Variants in CDH18 observed in about 807,000 individuals in gnomAD.
CDH18 encodes the protein cadherin 18, also known as cadherin-18.
Under a neutral mutation model 67.9 loss-of-function variants are expected in CDH18, and 31 were observed. That is an observed-to-expected ratio of 0.46 (90% CI 0.34 to 0.62). CDH18 has a LOEUF of 0.62. Ranked by LOEUF, CDH18 falls within the 20% of genes least tolerant of loss-of-function variation. CDH18 has a pLI of 0.01. For missense variants in CDH18, 890 were observed against 975.5 expected, an observed-to-expected ratio of 0.91 and a Z score of 1.17; for synonymous variants, 362 against 347.2, an observed-to-expected ratio of 1.04 and a Z score of -0.48.
intron 7 of CDH18, among the ~76,000 whole-genome samples, chr5:19,588,084 G>T (rs547147690): frequency 6.6e-6 from 1 of 151,910 alleles, no homozygotes; most frequent in African/African-American, 2.4e-5. Flanking sequence ...TTTGTTTTAG[G>T]CTTGCCTATT....
chr5:19,539,493 G>A (rs891789117), intron 9 of CDH18, among the ~76,000 whole-genome samples: 7 of 152,052 alleles, frequency 4.6e-5, no homozygotes, highest in African/African-American at 1.7e-4. Context: ...TTTGGAGTGA[G>A]GTAGTGAAAA....
At chr5:20,250,849 G>A (rs956952313) in intron 2 of CDH18, among the ~76,000 whole-genome samples, 5 of 151,990 alleles carry the variant, frequency 3.3e-5, no homozygotes, top group African/African-American at 7.2e-5. Flanking sequence ...CAAGTGATCC[G>A]CCCGCCTTGG....
chr5:20,546,741 A>G (rs1481276208), intron 1 of CDH18, among the ~76,000 whole-genome samples: 1 of 107,296 alleles, frequency 9.3e-6, no homozygotes, highest in Admixed American at 1.1e-4. Context: ...CATATCACAT[A>G]CATACATAGA....
intron 9 of CDH18, among the ~76,000 whole-genome samples, chr5:19,528,600 A>C (rs1220746092): frequency 6.6e-6 from 1 of 151,922 alleles, no homozygotes. Context: ...AACTCTGAGA[A>C]CAGATTTGTT....
chr5:20,217,948 T>C (rs1039744732), intron 2 of CDH18, among the ~76,000 whole-genome samples: 6 of 151,816 alleles, frequency 4.0e-5, no homozygotes, highest in Non-Finnish European at 7.4e-5. Flanking sequence ...AAGGAGTCAA[T>C]TGAGCAAGAG....
At chr5:19,536,596 T>C (rs561989454) in intron 9 of CDH18, among the ~76,000 whole-genome samples, 3 of 152,338 alleles carry the variant, frequency 2.0e-5, no homozygotes, top group East Asian at 1.9e-4. Context: ...AATGGAGCTA[T>C]GATTTAAATC....
At chr5:19,861,258 A>G (rs910581193) in intron 2 of CDH18, among the ~76,000 whole-genome samples, 1 of 149,030 alleles carries the variant, frequency 6.7e-6, no homozygotes, top group Non-Finnish European at 1.5e-5. Flanking sequence ...TTCCTTTGGC[A>G]TCAATTTAGG....
intron 2 of CDH18, among the ~76,000 whole-genome samples, chr5:19,943,828 C>T (rs1393800989): frequency 6.6e-6 from 1 of 151,824 alleles, no homozygotes; most frequent in African/African-American, 2.4e-5. Context: ...CAATGCTGTG[C>T]TATTTGGGGA....
At chr5:19,715,500 T>C (rs898386872) in intron 5 of CDH18, among the ~76,000 whole-genome samples, 2 of 152,158 alleles carry the variant, frequency 1.3e-5, no homozygotes, top group Admixed American at 6.6e-5. Flanking sequence ...GAGTCAAGAC[T>C]GTCAATTCCG....
At chr5:19,820,666 G>A (rs965350813) in intron 3 of CDH18, among the ~76,000 whole-genome samples, 2 of 152,168 alleles carry the variant, frequency 1.3e-5, no homozygotes, top group Non-Finnish European at 2.9e-5. Context: ...TAAAGAAATG[G>A]GGACCTAGCA....
chr5:19,484,298 AC>A (rs1740000612), intron 11 of CDH18, among the ~76,000 whole-genome samples: 2 of 152,184 alleles, frequency 1.3e-5, no homozygotes, highest in Admixed American at 1.3e-4. Flanking sequence ...AAAGTAAATA[AC>A]CCTAGTCCCA....
intron 2 of CDH18, among the ~76,000 whole-genome samples, chr5:19,968,637 C>T (rs1343739002): frequency 6.8e-6 from 1 of 146,866 alleles, no homozygotes; most frequent in East Asian, 1.9e-4. Flanking sequence ...ACTGGCTAGC[C>T]ATATGTAGAA....
intron 1 of CDH18, among the ~76,000 whole-genome samples, chr5:20,493,505 G>A (rs1048814376): frequency 2.6e-5 from 4 of 151,918 alleles, no homozygotes; most frequent in Non-Finnish European, 4.4e-5. Context: ...TAGGAAGGGA[G>A]TCAGCTACCA....
intron 1 of CDH18, among the ~76,000 whole-genome samples, chr5:20,464,427 G>T (rs1331308302): frequency 6.6e-6 from 1 of 151,220 alleles, no homozygotes; most frequent in African/African-American, 2.4e-5. Context: ...GAAATAGTAA[G>T]ATTTTGTTCA....
intron 1 of CDH18, among the ~76,000 whole-genome samples, chr5:20,501,594 T>TTATATATATATATTATATATATATATTA (rs1754320353): frequency 3.4e-4 from 12 of 35,266 alleles, no homozygotes; most frequent in South Asian, 2.3e-3. Flanking sequence ...TATATATATA[T>TTATATATATATATTATATATATATATTA]TATATATATA....
rs150592461 is a variant in CDH18 at position 20,385,580 on chromosome 5, C to A, written c.-579-130075G>T. Reference sequence around the variant, plus strand: ...TCTCTTCTTGATACAGATGGGAAAACGTTATGGCTCCCAGGCTTTTGTAAA... The same window carrying A: ...TCTCTTCTTGATACAGATGGGAAAAAGTTATGGCTCCCAGGCTTTTGTAAA... On this transcript the variant is annotated intron_variant, in intron 1 of 14. Coordinates refer to the CDH18 transcript ENST00000507958. Among the ~76,000 whole-genome samples the A allele has an allele frequency of 4.5e-3, 683 of 152,244 alleles. 18 individuals are homozygous for A. Among genetic ancestry groups the A allele is most frequent in the East Asian group, 0.015 (79 of 5,170 alleles).
chr5:19,911,655 A>C (rs896249968), intron 2 of CDH18, among the ~76,000 whole-genome samples: 2 of 151,564 alleles, frequency 1.3e-5, no homozygotes, highest in African/African-American at 2.4e-5. Flanking sequence ...TCAACAAGCC[A>C]GGGAGACAGC....
At chr5:19,991,011 T>C (rs1268654224), upstream of CDH18, among the ~76,000 whole-genome samples, 1 of 152,134 alleles carries the variant, frequency 6.6e-6, no homozygotes, top group East Asian at 1.9e-4. Context: ...GGAGAGTTAT[T>C]AGAATCATTT....
chr5:19,738,147 TTGTTAGG>T (rs1768607630), intron 4 of CDH18, among the ~76,000 whole-genome samples: 1 of 151,612 alleles, frequency 6.6e-6, no homozygotes, highest in Non-Finnish European at 1.5e-5. Flanking sequence ...TTTAGACACT[TTGTTAGG>T]TGCACATGAT....
Sources: allele counts gnomAD v4.1 joint callset (sites outside exome capture counted in the v4.1 genomes callset), GRCh38; gene constraint gnomAD v4.1.1; transcripts MANE v1.5; gene names NCBI Gene and HGNC (gene_info 2026-07-23, HGNC 2026-07-21).